Variants in NXPH2 observed in about 807,000 individuals in gnomAD.
The protein encoded by NXPH2 is neurexophilin 2, also known as neurexophilin-2.
NXPH2 carries 5 observed loss-of-function variants against 19.8 expected under a neutral mutation model. That is an observed-to-expected ratio of 0.25 (90% CI 0.13 to 0.53). The LOEUF (loss-of-function observed/expected upper bound fraction) is 0.53, where lower values mean the gene tolerates loss of function less well. NXPH2 is among the 20% of genes least tolerant of loss of function. NXPH2 has a pLI of 0.96. For synonymous variants in NXPH2, 154 were observed against 127.4 expected, an observed-to-expected ratio of 1.21 and a Z score of -1.41; for missense variants, 289 against 322.8, an observed-to-expected ratio of 0.90 and a Z score of 0.80.
At chr2:138,750,697 CA>C (rs1231129000) in intron 1 of NXPH2, among the ~76,000 whole-genome samples, 1 of 151,954 alleles carries the variant, frequency 6.6e-6, no homozygotes, top group African/African-American at 2.4e-5. Flanking sequence ...ATCTGCTGGA[CA>C]AAAATATCAC....
intron 1 of NXPH2, among the ~76,000 whole-genome samples, chr2:138,726,866 A>T (rs4128393): frequency 1.3e-5 from 2 of 152,058 alleles, no homozygotes; most frequent in South Asian, 4.1e-4. Context: ...TTGGACAAAC[A>T]TGTAGTAACA....
intron 1 of NXPH2, among the ~76,000 whole-genome samples, chr2:138,713,524 GAAAACATGATATATGT>G (rs566475315): frequency 1.5e-4 from 23 of 152,090 alleles, no homozygotes; most frequent in African/African-American, 2.2e-4. Flanking sequence ...TATAGGAAAG[GAAAACATGATATATGT>G]AAAACCCTTT....
At position 138,738,415 on chromosome 2, in the gene NXPH2, A is replaced by C. The variant is rs75442832; in HGVS notation, c.51+41776T>G. Among the ~76,000 whole-genome samples the C allele has an allele frequency of 6.0e-3, 908 of 152,240 alleles. 9 individuals carry two copies. The highest frequency in any genetic ancestry group is 0.021 in the African/African-American group (860 of 41,532). The stretch of plus-strand genomic sequence containing the variant: ...CTATTTATAATTTTATTTTGGAAAA[A>C]ATTTTCATCTCCCCTTATTGTGTGC... On this transcript the variant is annotated intron_variant, in intron 1 of 1. Coordinates refer to ENST00000272641, the MANE Select transcript of NXPH2 (RefSeq NM_007226.3).
At chr2:138,772,574 G>T (rs1034871919) in intron 1 of NXPH2, among the ~76,000 whole-genome samples, 2 of 152,180 alleles carry the variant, frequency 1.3e-5, no homozygotes, top group African/African-American at 4.8e-5. Flanking sequence ...TGGGACTACA[G>T]GGGTGAGCCA....
chr2:138,775,242 T>C (rs891227621), intron 1 of NXPH2, among the ~76,000 whole-genome samples: 1 of 152,186 alleles, frequency 6.6e-6, no homozygotes. Flanking sequence ...CCTTATTATA[T>C]ACCAATCTTA....
chr2:138,716,490 G>A (rs992378387), intron 1 of NXPH2, among the ~76,000 whole-genome samples: 3 of 152,162 alleles, frequency 2.0e-5, no homozygotes, highest in Non-Finnish European at 2.9e-5. Context: ...CCTTGATCTC[G>A]AACTTTCCAA....
chr2:138,676,939 C>T lies in NXPH2; in HGVS notation c.52-5274G>A, dbSNP rs182279864. Reference sequence around the variant, plus strand: ...GTCACATCCAAATCCCAGGTGAGCTCTCTTTGCCAACAAAATGTGTTTGTA... The same window carrying T: ...GTCACATCCAAATCCCAGGTGAGCTTTCTTTGCCAACAAAATGTGTTTGTA... On this transcript the variant is annotated intron_variant, in intron 1 of 1. Coordinates refer to ENST00000272641, the MANE Select transcript of NXPH2 (RefSeq NM_007226.3). Among the ~76,000 whole-genome samples, 8 of 152,314 alleles carry T rather than the reference C, an allele frequency of 5.3e-5. No homozygotes were observed. The East Asian group carries it at 9.7e-4, about 18-fold the overall frequency.
rs80035337 is a variant in NXPH2 at position 138,693,006 on chromosome 2, T to G, written c.52-21341A>C. On this transcript the variant is annotated intron_variant, in intron 1 of 1. Coordinates refer to ENST00000272641, the MANE Select transcript of NXPH2 (RefSeq NM_007226.3). Reference sequence around the variant, plus strand: ...TTCATGCATATTTTTTAAAAGAAGATTCAAACAAGCTATTAATGGATTTCT... The same window carrying G: ...TTCATGCATATTTTTTAAAAGAAGAGTCAAACAAGCTATTAATGGATTTCT... 9.1e-3 allele frequency among the ~76,000 whole-genome samples: 1,391 copies of G among 152,336 alleles called. 47 individuals carry two copies. The East Asian group carries it at 0.11, about 12-fold the overall frequency.
In NXPH2 at chr2:138,700,530, C is replaced by T. The variant is rs150066994; in HGVS notation, c.52-28865G>A. Among the ~76,000 whole-genome samples, 14 of 152,212 alleles carry T rather than the reference C, an allele frequency of 9.2e-5. No homozygotes were observed. In the East Asian group the frequency reaches 2.1e-3, roughly 23 times the overall value. ...TAAATGAATATGGAATTTATTTCCC[C>T]ATATTTTGCACTGACATTTAATTTG... On this transcript the variant is annotated intron_variant, in intron 1 of 1. Coordinates refer to ENST00000272641, the MANE Select transcript of NXPH2 (RefSeq NM_007226.3).
intron 1 of NXPH2, among the ~76,000 whole-genome samples, chr2:138,705,596 T>C (rs193175072): frequency 5.6e-4 from 85 of 152,302 alleles, no homozygotes; most frequent in African/African-American, 2.0e-3. Flanking sequence ...TTCTACACTA[T>C]CACTGCCAAG....
At chr2:138,760,686 G>A (rs1187022217) in intron 1 of NXPH2, among the ~76,000 whole-genome samples, 1 of 152,124 alleles carries the variant, frequency 6.6e-6, no homozygotes, top group Non-Finnish European at 1.5e-5. Context: ...GGCGGTTCCT[G>A]GCACCACCTT....
chr2:138,776,484 G>C (rs1682264337), intron 1 of NXPH2, among the ~76,000 whole-genome samples: 1 of 151,992 alleles, frequency 6.6e-6, no homozygotes, highest in Admixed American at 6.6e-5. Context: ...TGGGAGGTGG[G>C]TGACTGGAAC....
At chr2:138,721,822 A>C (rs71413756) in intron 1 of NXPH2, among the ~76,000 whole-genome samples, 6,559 of 152,298 alleles carry the variant, frequency 0.043, 206 homozygotes, top group Non-Finnish European at 0.068. Context: ...CTTGTTAGCA[A>C]GTGGGATAAT....
intron 1 of NXPH2, among the ~76,000 whole-genome samples, chr2:138,680,142 G>A (rs1680550902): frequency 6.6e-6 from 1 of 152,170 alleles, no homozygotes; most frequent in African/African-American, 2.4e-5. Context: ...TTGGCATCAG[G>A]AGCATAAAAA....
At chr2:138,678,930 T>C (rs1680527687) in intron 1 of NXPH2, among the ~76,000 whole-genome samples, 1 of 152,148 alleles carries the variant, frequency 6.6e-6, no homozygotes, top group Non-Finnish European at 1.5e-5. Flanking sequence ...AAAGAAAACA[T>C]CACTAAGGAT....
chr2:138,674,053 CT>C (rs1470046735), intron 1 of NXPH2, among the ~76,000 whole-genome samples: 3 of 152,072 alleles, frequency 2.0e-5, no homozygotes, highest in African/African-American at 7.2e-5. Context: ...TCATAGCTCA[CT>C]GCAACCTCAA....
chr2:138,697,737 A>C (rs1680849437), intron 1 of NXPH2, among the ~76,000 whole-genome samples: 2 of 151,888 alleles, frequency 1.3e-5, no homozygotes, highest in South Asian at 4.2e-4. Context: ...TGTTTGAGAA[A>C]AACAAAATAA....
intron 1 of NXPH2, among the ~76,000 whole-genome samples, chr2:138,773,489 A>G (rs1299065432): frequency 6.6e-6 from 1 of 152,200 alleles, no homozygotes; most frequent in Admixed American, 6.5e-5. Context: ...TATACTAATC[A>G]ACCACTTTCA....
intron 1 of NXPH2, 120 bp downstream of exon 1, chr2:138,780,071 C>T (rs889664632): frequency 2.0e-6 from 2 of 990,634 alleles, no homozygotes; most frequent in East Asian, 3.3e-5. Flanking sequence ...TTGCCCTCCG[C>T]GCGCCCCCAA....
Sources: allele counts gnomAD v4.1 joint callset (sites outside exome capture counted in the v4.1 genomes callset), GRCh38; gene constraint gnomAD v4.1.1; transcripts MANE v1.5; gene names NCBI Gene and HGNC (gene_info 2026-07-23, HGNC 2026-07-21).